STAT4: variants seen among roughly 807,000 people sequenced by gnomAD.
The protein encoded by STAT4 is signal transducer and activator of transcription 4.
A neutral mutation model predicts 110.5 loss-of-function variants in STAT4; 42 were observed. That is an observed-to-expected ratio of 0.38 (90% CI 0.30 to 0.49). The LOEUF (loss-of-function observed/expected upper bound fraction) is 0.49. Among genes scored for constraint, STAT4 ranks in the 20% least tolerant of loss-of-function variants. STAT4 has a pLI of 0.95. For synonymous variants in STAT4, 284 were observed against 302.2 expected (o/e 0.94, Z 0.63); for missense variants, 632 against 887.9 (o/e 0.71, Z 3.66).
At chr2:191,145,801 C>T (rs1179869590) in intron 3 of STAT4, among the ~76,000 whole-genome samples, 9 of 152,136 alleles carry the variant, frequency 5.9e-5, no homozygotes, top group Admixed American at 3.9e-4. Flanking sequence ...TTATTTAATA[C>T]GTTGTATGCA....
At chr2:191,100,605 A>C (rs1698125172) in intron 3 of STAT4, among the ~76,000 whole-genome samples, 1 of 152,128 alleles carries the variant, frequency 6.6e-6, no homozygotes, top group Admixed American at 6.6e-5. Context: ...TTTGGCTTCC[A>C]TGACTATTTC....
chr2:191,067,733 A>T (rs1042968557), intron 6 of STAT4, among the ~76,000 whole-genome samples: 2 of 151,976 alleles, frequency 1.3e-5, no homozygotes, highest in African/African-American at 4.8e-5. Flanking sequence ...TCTCCTACTG[A>T]TCTACATTTT....
chr2:191,076,153 C>A, intron 4 of STAT4, 74 bp downstream of exon 4: 1 of 1,273,404 alleles, frequency 7.9e-7, no homozygotes, highest in South Asian at 1.2e-5. Flanking sequence ...TGTACCCTAC[C>A]AAAGATAATA....
chr2:191,048,468 ACAT>A (rs1469047359), intron 14 of STAT4, among the ~76,000 whole-genome samples: 1 of 152,146 alleles, frequency 6.6e-6, no homozygotes, highest in African/African-American at 2.4e-5. Context: ...GAATGGAAAA[ACAT>A]CATAGATAAG....
chr2:191,031,489 T>C lies in STAT4; in HGVS notation c.2072A>G (p.Lys691Arg). ...GATAAAAACAGAAGGAACATAACCT[T>C]TGTCACCCCTTTCTGTTGGTCTTGA... ...EVSRPTERGD[K>R]GYVPSVFIPI... The change falls in exon 22 of 24, where the codon AAA (lysine) becomes AGA (arginine). Residue 691 changes from lysine (K) to arginine (R), a missense_variant. Transcript: ENST00000392320. The surrounding 1 kb of genome is among the most constrained non-coding windows in gnomAD (Gnocchi z 4.8). 6.2e-7 allele frequency: 1 copy of C among 1,613,446 alleles called. No homozygotes were observed. Among genetic ancestry groups the C allele is most frequent in the Non-Finnish European group, 8.5e-7 (1 of 1,179,664 alleles).
chr2:191,067,085 G>A (rs1237498497), intron 6 of STAT4, among the ~76,000 whole-genome samples: 1 of 142,840 alleles, frequency 7.0e-6, no homozygotes, highest in African/African-American at 2.6e-5. Context: ...AAATGCGCTC[G>A]CCTCATCGTA....
At chr2:191,120,053 G>T (rs1474890851) in intron 3 of STAT4, among the ~76,000 whole-genome samples, 1 of 152,074 alleles carries the variant, frequency 6.6e-6, no homozygotes, top group Non-Finnish European at 1.5e-5. Context: ...GCATCCAATG[G>T]ATCATAGTCC....
At chr2:191,044,094 T>G (rs1345151777) in intron 14 of STAT4, among the ~76,000 whole-genome samples, 2 of 152,134 alleles carry the variant, frequency 1.3e-5, no homozygotes, top group African/African-American at 4.8e-5. Context: ...TTTAAGCTAT[T>G]TGATGGGTGT....
chr2:191,127,301 C>A (rs574508290), intron 3 of STAT4, among the ~76,000 whole-genome samples: 9 of 152,144 alleles, frequency 5.9e-5, no homozygotes, highest in African/African-American at 2.2e-4. Context: ...TCAAGATCTT[C>A]GCTTAAAGTG....
At chr2:191,130,469 G>A (rs570280146) in intron 3 of STAT4, among the ~76,000 whole-genome samples, 1 of 151,494 alleles carries the variant, frequency 6.6e-6, no homozygotes, top group Non-Finnish European at 1.5e-5. Flanking sequence ...TGATCCGCCC[G>A]CCTCGGCCTC....
chr2:191,057,206 G>T (rs770464514), intron 13 of STAT4, among the ~76,000 whole-genome samples: 1 of 152,066 alleles, frequency 6.6e-6, no homozygotes, highest in South Asian at 2.1e-4. Flanking sequence ...ACTACCATTC[G>T]ACTGTCTGCC....
intron 13 of STAT4, among the ~76,000 whole-genome samples, chr2:191,057,472 C>T (rs1042714896): frequency 6.6e-6 from 1 of 151,982 alleles, no homozygotes; most frequent in African/African-American, 2.4e-5. Flanking sequence ...ACTATGTCTT[C>T]ATTGTTTAGA....
Position 191,033,744 on chromosome 2 carries a change from C to A in STAT4, c.1716-118G>T. On this transcript the variant is annotated intron_variant, in intron 19 of 23. Transcript: ENST00000392320. The surrounding 1 kb of genome is among the most constrained non-coding windows in gnomAD (Gnocchi z 6.9). ...AAAAGTCATTCTTACCTGAAATACT[C>A]ATATATAGATTAATATACATAGTGC... 7.0e-7 allele frequency: 1 copy of A among 1,420,764 alleles called. No homozygotes were observed. Among genetic ancestry groups the A allele is most frequent in the South Asian group, 1.4e-5 (1 of 72,400 alleles). The allele number at this position is 1,420,764 out of a possible 1,614,324, so 88.0% of individuals were successfully genotyped here.
At chr2:191,074,278 G>T (rs548730593) in intron 4 of STAT4, among the ~76,000 whole-genome samples, 1 of 152,176 alleles carries the variant, frequency 6.6e-6, no homozygotes, top group Non-Finnish European at 1.5e-5. Context: ...GGTTAGAAAG[G>T]TTGATAAACT....
chr2:191,137,933 A>G (rs1699223761), intron 3 of STAT4, among the ~76,000 whole-genome samples: 1 of 152,250 alleles, frequency 6.6e-6, no homozygotes, highest in Non-Finnish European at 1.5e-5. Flanking sequence ...AAAATGCTTC[A>G]GGACATTGGT....
intron 3 of STAT4, among the ~76,000 whole-genome samples, chr2:191,119,313 A>G (rs1698656197): frequency 6.6e-6 from 1 of 152,098 alleles, no homozygotes; most frequent in Non-Finnish European, 1.5e-5. Flanking sequence ...AATATAGGAG[A>G]GGAGAATGAG....
chr2:191,112,037 T>G lies in STAT4; in HGVS notation c.273+34576A>C, dbSNP rs1178671087. Reference sequence around the variant, plus strand: ...GACATGAGGAAACTTTCAAGGGTGCTGGATATTTTTATTATCTTGATTGTG... The same window carrying G: ...GACATGAGGAAACTTTCAAGGGTGCGGGATATTTTTATTATCTTGATTGTG... On this transcript the variant is annotated intron_variant, in intron 3 of 23. Transcript: ENST00000392320. The surrounding 1 kb of genome is among the most constrained non-coding windows in gnomAD (Gnocchi z 4.3). 1.3e-5 allele frequency among the ~76,000 whole-genome samples: 2 copies of G among 152,188 alleles called. No homozygotes were observed. The highest frequency in any genetic ancestry group is 4.8e-5 in the African/African-American group (2 of 41,436).
In STAT4 at chr2:191,030,719, A is replaced by G; in HGVS notation, c.2220+253T>C. On this transcript the variant is annotated intron_variant, in intron 23 of 23. Coordinates refer to ENST00000392320, the MANE Select transcript of STAT4 (RefSeq NM_003151.4). The surrounding 1 kb of genome is among the most constrained non-coding windows in gnomAD (Gnocchi z 4.4). ...GTGTGCTTGAGTAGGGTATAGGAATATTTTGCCCTCTGGTGGTTTCTGGTG... is the reference window on the plus strand; with the variant it reads ...GTGTGCTTGAGTAGGGTATAGGAATGTTTTGCCCTCTGGTGGTTTCTGGTG... The G allele has an allele frequency of 2.5e-6, 1 of 394,832 alleles. No individual in the cohort carries two copies. Among genetic ancestry groups the G allele is most frequent in the Non-Finnish European group, 4.7e-6 (1 of 210,760 alleles). The allele number at this position is 394,832 out of a possible 1,614,324, so 24.5% of individuals were successfully genotyped here. A position where few individuals can be genotyped will look rare whatever the true frequency, so the allele number is the denominator to read the frequency against.
chr2:191,078,203 T>C (rs1236208920), intron 3 of STAT4, among the ~76,000 whole-genome samples: 3 of 152,124 alleles, frequency 2.0e-5, no homozygotes, highest in Non-Finnish European at 4.4e-5. Context: ...GTTCTCAGAG[T>C]TCCTCTAAGA....
Sources: gnomAD v4.1 joint callset for allele counts (sites outside exome capture counted in the v4.1 genomes callset) on GRCh38, gnomAD v4.1.1 for gene constraint, Gnocchi (gnomAD v3.1) non-coding constraint, MANE v1.5 for transcripts, NCBI Gene and HGNC (gene_info 2026-07-23, HGNC 2026-07-21) for gene names.